Variants in ANKS1B observed in about 807,000 individuals in gnomAD.
ANKS1B encodes the protein ankyrin repeat and sterile alpha motif domain containing 1B, also known as ankyrin repeat and sterile alpha motif domain-containing protein 1B.
Under a neutral mutation model 148.3 loss-of-function variants are expected in ANKS1B, and 36 were observed. The observed-to-expected ratio is 0.24, with a 90% confidence interval of 0.19 to 0.32. The LOEUF is 0.32. Among genes scored for constraint, ANKS1B ranks in the 10% least tolerant of loss-of-function variants. ANKS1B has a pLI of 1.00. For synonymous variants in ANKS1B, 542 were observed against 560.8 expected, an observed-to-expected ratio of 0.97 and a Z score of 0.47; for missense variants, 1,157 against 1,542.6, an observed-to-expected ratio of 0.75 and a Z score of 4.19.
intron 8 of ANKS1B, among the ~76,000 whole-genome samples, chr12:99,667,789 ATG>A (rs1302617078): frequency 6.6e-6 from 1 of 152,216 alleles, no homozygotes; most frequent in Non-Finnish European, 1.5e-5. Context: ...CTTTTCTACA[ATG>A]ACTGATATGA....
chr12:98,981,000 G>C (rs2099909321), intron 17 of ANKS1B, among the ~76,000 whole-genome samples: 1 of 151,656 alleles, frequency 6.6e-6, no homozygotes, highest in Admixed American at 6.6e-5. Context: ...CATATATTTT[G>C]TTCAGTTAAA....
chr12:99,295,272 G>A (rs2080706461), intron 12 of ANKS1B, among the ~76,000 whole-genome samples: 1 of 152,132 alleles, frequency 6.6e-6, no homozygotes, highest in African/African-American at 2.4e-5. Context: ...TTTGTAACAG[G>A]TAAATATTAG....
At chr12:99,122,455 C>A (rs982489025) in intron 15 of ANKS1B, among the ~76,000 whole-genome samples, 1 of 152,284 alleles carries the variant, frequency 6.6e-6, no homozygotes, top group African/African-American at 2.4e-5. Flanking sequence ...AGCAGTTTTT[C>A]TCTTAACTGC....
At chr12:98,784,111 G>A (rs1239674663) in intron 22 of ANKS1B, among the ~76,000 whole-genome samples, 1 of 152,204 alleles carries the variant, frequency 6.6e-6, no homozygotes, top group Non-Finnish European at 1.5e-5. Context: ...AGGGGAAAGT[G>A]TTTTTGCGTA....
chr12:99,612,624 T>G (rs2097912519), intron 9 of ANKS1B, among the ~76,000 whole-genome samples: 1 of 152,084 alleles, frequency 6.6e-6, no homozygotes. Flanking sequence ...CTCATTTCAT[T>G]ATGCTTATTT....
intron 1 of ANKS1B, among the ~76,000 whole-genome samples, chr12:99,909,311 T>C (rs890401926): frequency 6.6e-6 from 1 of 151,360 alleles, no homozygotes; most frequent in Non-Finnish European, 1.5e-5. Context: ...AATGCCTAGG[T>C]TGTTTCCATT....
chr12:99,013,211 C>T (rs370884992), intron 17 of ANKS1B, among the ~76,000 whole-genome samples: 2 of 152,126 alleles, frequency 1.3e-5, no homozygotes, highest in East Asian at 1.9e-4. Context: ...ATTTTGGCAA[C>T]AAAATTTTGC....
At chr12:99,976,614 G>A (rs1202521148) in intron 1 of ANKS1B, among the ~76,000 whole-genome samples, 1 of 152,128 alleles carries the variant, frequency 6.6e-6, no homozygotes, top group Non-Finnish European at 1.5e-5. Context: ...CAGTTAACTA[G>A]AAGTGATTAA....
intron 12 of ANKS1B, among the ~76,000 whole-genome samples, chr12:99,323,054 G>A (rs1490557356): frequency 2.0e-5 from 3 of 152,084 alleles, no homozygotes; most frequent in African/African-American, 7.2e-5. Flanking sequence ...GTCTTTATCA[G>A]TAGTGTGAGA....
intron 17 of ANKS1B, among the ~76,000 whole-genome samples, chr12:98,937,746 C>T (rs1174407008): frequency 2.0e-5 from 3 of 151,990 alleles, no homozygotes; most frequent in African/African-American, 7.3e-5. Context: ...TTACTCTACA[C>T]TGCTATAAAG....
intron 17 of ANKS1B, among the ~76,000 whole-genome samples, chr12:99,016,755 CAAAT>C (rs2099942795): frequency 6.6e-6 from 1 of 152,124 alleles, no homozygotes; most frequent in Admixed American, 6.6e-5. Context: ...ATTTTTATCT[CAAAT>C]AAGGGAAAAA....
At chr12:99,698,275 T>C (rs1351043683) in intron 8 of ANKS1B, among the ~76,000 whole-genome samples, 1 of 152,196 alleles carries the variant, frequency 6.6e-6, no homozygotes, top group East Asian at 1.9e-4. Flanking sequence ...AATACAATAC[T>C]GTTTCCACCC....
At chr12:98,773,276 T>C in intron 24 of ANKS1B, 97 bp from the exon 25 acceptor site, 1 of 1,403,730 alleles carries the variant, frequency 7.1e-7, no homozygotes, top group Non-Finnish European at 9.5e-7. Flanking sequence ...CTTTCCTTCT[T>C]TCTGGAGTGT....
intron 1 of ANKS1B, among the ~76,000 whole-genome samples, chr12:99,845,715 T>A (rs2086555194): frequency 6.6e-6 from 1 of 152,148 alleles, no homozygotes; most frequent in Admixed American, 6.6e-5. Context: ...GGTTTTGGTA[T>A]CACAATGTTG....
chr12:99,694,536 G>T (rs1279532436), intron 8 of ANKS1B, among the ~76,000 whole-genome samples: 1 of 151,426 alleles, frequency 6.6e-6, no homozygotes, highest in East Asian at 1.9e-4. Flanking sequence ...AAAAAGTAAT[G>T]ACATTAAACA....
At chr12:99,729,392 A>AT (rs2058921965) in intron 8 of ANKS1B, among the ~76,000 whole-genome samples, 2 of 151,802 alleles carry the variant, frequency 1.3e-5, no homozygotes, top group Non-Finnish European at 2.9e-5. Flanking sequence ...GAAGTTTGCC[A>AT]TTTTTTTTCT....
chr12:98,747,272 TTAAG>T (rs1439667684), intron 26 of ANKS1B, among the ~76,000 whole-genome samples: 1 of 151,936 alleles, frequency 6.6e-6, no homozygotes, highest in Non-Finnish European at 1.5e-5. Context: ...CTCAATCTGA[TTAAG>T]TAACAGGCAA....
chr12:99,260,460 G>A (rs1008682159), intron 12 of ANKS1B, among the ~76,000 whole-genome samples: 4 of 152,032 alleles, frequency 2.6e-5, no homozygotes, highest in African/African-American at 4.8e-5. Flanking sequence ...TTTCTCATAC[G>A]TATCTCAAGA....
intron 12 of ANKS1B, among the ~76,000 whole-genome samples, chr12:99,313,617 G>A (rs1369824631): frequency 2.6e-5 from 4 of 152,218 alleles, no homozygotes; most frequent in South Asian, 2.1e-4. Context: ...TTCAACATAC[G>A]CAAATCAATA....
Sources: gnomAD v4.1 joint callset for allele counts (sites outside exome capture counted in the v4.1 genomes callset) on GRCh38, gnomAD v4.1.1 for gene constraint, MANE v1.5 for transcripts, NCBI Gene and HGNC (gene_info 2026-07-23, HGNC 2026-07-21) for gene names.